TMED10: variants seen among roughly 807,000 people sequenced by gnomAD.
The protein encoded by TMED10 is transmembrane p24 trafficking protein 10.
Under a neutral mutation model 23.1 loss-of-function variants are expected in TMED10, and 7 were observed. The observed-to-expected ratio is 0.30, with a 90% CI of 0.17 to 0.57. The LOEUF is 0.57. Among genes scored for constraint, TMED10 ranks in the 20% least tolerant of loss-of-function variants. TMED10 has a pLI of 0.91. For missense variants in TMED10, 162 were observed against 274.8 expected (o/e 0.59, Z 2.90); for synonymous variants, 113 against 106.9 (o/e 1.06, Z -0.35).
chr14:75,174,695 G>A lies in TMED10; in HGVS notation c.225+1660C>T, dbSNP rs143668777. Among the ~76,000 whole-genome samples, 27 of 152,248 alleles carry A rather than the reference G, an allele frequency of 1.8e-4. No homozygotes were observed. The East Asian group carries it at 5.2e-3, about 29-fold the overall frequency. On this transcript the variant is annotated intron_variant, in intron 1 of 4. Coordinates refer to ENST00000303575, the MANE Select transcript of TMED10 (RefSeq NM_006827.6). The stretch of plus-strand genomic sequence containing the variant: ...ATTACATGTATTACCACACTACTGG[G>A]TTCCACTACTTTAACATAAGTTATG...
chr14:75,135,530 G>T, intron 4 of TMED10: 2 of 510,010 alleles, frequency 3.9e-6, no homozygotes, highest in South Asian at 5.0e-5. Flanking sequence ...TTTGATGTGG[G>T]TATAGACTAA....
rs367964043 is a variant in TMED10, at chr14:75,150,407, A to G, written c.337+1625T>C. Among the ~76,000 whole-genome samples the G allele has an allele frequency of 4.9e-4, 74 of 152,312 alleles. 1 individual carries two copies. The highest frequency in any genetic ancestry group is 4.8e-3 in the South Asian group (23 of 4,820). On this transcript the variant is annotated intron_variant, in intron 2 of 4. Transcript: ENST00000303575. ...GCCCCACCTGGTCCAAATGATCAGGATATCTTCTTTCTTACAAGGTCTTCC... is the reference window on the plus strand; with the variant it reads ...GCCCCACCTGGTCCAAATGATCAGGGTATCTTCTTTCTTACAAGGTCTTCC...
Position 75,133,940 on chromosome 14 carries a change from C to A in TMED10, c.*945G>T. 3.6e-6 allele frequency: 1 copy of A among 278,830 alleles called. No individual in the cohort carries two copies. The highest frequency in any genetic ancestry group is 6.8e-6 in the Non-Finnish European group (1 of 146,408). 17.3% of individuals were successfully genotyped at this position (278,830 alleles called of 1,614,324 possible). ...AAAAGGAAGAAACTATTCATACATG[C>A]AACAACTTGGATGGATTTCAAGGGA... On this transcript the variant is annotated 3_prime_UTR_variant, in exon 5 of 5. Transcript: ENST00000303575.
rs1594862405 is a variant in TMED10, at chr14:75,134,673, G to C, written c.*212C>G. ...TAATAGACCTATTGTTGCAAAACCA[G>C]TCAAAATCCTACCAAATTAAAAAGA... On this transcript the variant is annotated 3_prime_UTR_variant, in exon 5 of 5. Transcript: ENST00000303575. 1.6e-5 allele frequency: 9 copies of C among 567,066 alleles called. No individual in the cohort carries two copies. The East Asian group carries it at 3.0e-4, about 19-fold the overall frequency. The allele number at this position is 567,066 out of a possible 1,614,324, so 35.1% of individuals were successfully genotyped here.
intron 1 of TMED10, among the ~76,000 whole-genome samples, chr14:75,155,044 C>T (rs936494944): frequency 2.0e-5 from 3 of 150,828 alleles, no homozygotes; most frequent in Non-Finnish European, 4.4e-5. Context: ...CTGCAACCTC[C>T]GCCTTCCGGA....
rs908568469 is a variant in TMED10, at chr14:75,154,759, G to T, written c.226-2616C>A. Among the ~76,000 whole-genome samples, 7 of 151,780 alleles carry T rather than the reference G, an allele frequency of 4.6e-5. No individual in the cohort carries two copies. In the East Asian group the frequency reaches 7.8e-4, roughly 17 times the overall value. On this transcript the variant is annotated intron_variant, in intron 1 of 4. Coordinates refer to ENST00000303575, the MANE Select transcript of TMED10 (RefSeq NM_006827.6). ...GCTTACTGCAACCTCTGCCTCCCGG[G>T]TTCAAGCGATTCTCCTGCCCCAGCC... is the stretch of plus-strand genomic sequence containing the variant.
intron 1 of TMED10, among the ~76,000 whole-genome samples, chr14:75,168,980 AG>A (rs1429014600): frequency 6.6e-6 from 1 of 152,196 alleles, no homozygotes; most frequent in African/African-American, 2.4e-5. Flanking sequence ...ACATTGATCC[AG>A]GTAAAGAGAA....
rs59328978 is a variant in TMED10 at position 75,153,777 on chromosome 14, C to CTT, written c.226-1636_226-1635dup. Among the ~76,000 whole-genome samples the CTT allele has an allele frequency of 3.2e-4, 42 of 131,782 alleles. 1 individual carries two copies. Among genetic ancestry groups the CTT allele is most frequent in the East Asian group, 4.8e-4 (2 of 4,124 alleles). The allele number at this position is 131,782 out of a possible 152,430, so 86.5% of individuals were successfully genotyped here. A position where few individuals can be genotyped will look rare whatever the true frequency, so the allele number is the denominator to read the frequency against. On this transcript the variant is annotated intron_variant, in intron 1 of 4. Transcript: ENST00000303575. Reference sequence around the variant, plus strand: ...GGTGAGACTTTCTATTTTTTTTTCCCTTTTTTTTTTTGAAATGGAGTCTCA... The same window carrying CTT: ...GGTGAGACTTTCTATTTTTTTTTCCCTTTTTTTTTTTTTGAAATGGAGTCTCA...
Position 75,147,185 on chromosome 14 carries a change from G to GTTTTTTTTTTGTTTTT in TMED10, c.411+478_411+479insAAAAACAAAAAAAAAA, listed in dbSNP as rs1491353231. Among the ~76,000 whole-genome samples the GTTTTTTTTTTGTTTTT allele has an allele frequency of 3.3e-4, 38 of 116,614 alleles. 2 individuals carry two copies. The highest frequency in any genetic ancestry group is 1.3e-3 in the African/African-American group (33 of 26,286). 76.5% of individuals were successfully genotyped at this position (116,614 alleles called of 152,430 possible). A position where few individuals can be genotyped will look rare whatever the true frequency, so the allele number is the denominator to read the frequency against. On this transcript the variant is annotated intron_variant, in intron 3 of 4. Transcript: ENST00000303575. ...ACAGCCAGAATTATTCTTCAAGGCT[G>GTTTTTTTTTTGTTTTT]TTTTTTTTTTTTTTTTTTTTTGAGA... is the stretch of plus-strand genomic sequence containing the variant.
intron 1 of TMED10, among the ~76,000 whole-genome samples, chr14:75,172,977 C>T (rs1896253463): frequency 6.6e-6 from 1 of 152,164 alleles, no homozygotes; most frequent in Non-Finnish European, 1.5e-5. Context: ...CAATGAGATC[C>T]ATGGCCCTCG....
intron 1 of TMED10, 112 bp from the exon 2 acceptor site, chr14:75,152,255 TA>T (rs2139843962): frequency 1.3e-6 from 1 of 783,816 alleles, no homozygotes; most frequent in South Asian, 1.8e-5. Context: ...TAGTTCTCAT[TA>T]TGATGACTAT....
intron 1 of TMED10, among the ~76,000 whole-genome samples, chr14:75,158,571 T>A (rs1473386467): frequency 2.6e-5 from 4 of 151,840 alleles, no homozygotes; most frequent in Non-Finnish European, 4.4e-5. Context: ...CAAGTGATCC[T>A]CCCACCTTGG....
At chr14:75,154,390 A>T (rs1895994622) in intron 1 of TMED10, among the ~76,000 whole-genome samples, 1 of 103,924 alleles carries the variant, frequency 9.6e-6, no homozygotes. Flanking sequence ...CAACACAGCG[A>T]GACTCTGTCT....
intron 3 of TMED10, among the ~76,000 whole-genome samples, chr14:75,143,303 T>C (rs1288193752): frequency 6.6e-6 from 1 of 152,158 alleles, no homozygotes; most frequent in Admixed American, 6.5e-5. Context: ...ACCTCCAAAA[T>C]ACCAGTAAAA....
intron 1 of TMED10, among the ~76,000 whole-genome samples, chr14:75,173,409 G>T (rs1000147606): frequency 8.6e-5 from 13 of 151,604 alleles, no homozygotes; most frequent in African/African-American, 2.7e-4. Flanking sequence ...AGAGGGGAGG[G>T]GAGGGGAAGG....
At chr14:75,173,616 T>C (rs1044160016) in intron 1 of TMED10, among the ~76,000 whole-genome samples, 4 of 152,220 alleles carry the variant, frequency 2.6e-5, no homozygotes, top group African/African-American at 9.6e-5. Context: ...TTTAGGACCC[T>C]TGTGGTTCCA....
intron 1 of TMED10, among the ~76,000 whole-genome samples, chr14:75,159,934 G>A (rs1027659979): frequency 6.6e-6 from 1 of 152,118 alleles, no homozygotes; most frequent in East Asian, 1.9e-4. Flanking sequence ...AAGGCAAAGG[G>A]CCCGCCACTG....
rs78824907 is a variant in TMED10 at position 75,162,884 on chromosome 14, T to C, written c.226-10741A>G. Among the ~76,000 whole-genome samples the C allele has an allele frequency of 1.2e-3, 179 of 152,064 alleles. No homozygotes were observed. The East Asian group carries it at 0.026, about 22-fold the overall frequency. On this transcript the variant is annotated intron_variant, in intron 1 of 4. Transcript: ENST00000303575. ...ACCTCACCTTATCATGAGAAAAACA[T>C]CTGACAAATGCCCAATAGAGGGCAA...
intron 2 of TMED10, among the ~76,000 whole-genome samples, chr14:75,149,965 C>T (rs1003185857): frequency 1.4e-4 from 22 of 152,092 alleles, no homozygotes; most frequent in African/African-American, 4.6e-4. Context: ...TAGCCAGGCG[C>T]AGTGGTGCGT....
Sources: allele counts gnomAD v4.1 joint callset (sites outside exome capture counted in the v4.1 genomes callset), GRCh38; gene constraint gnomAD v4.1.1; transcripts MANE v1.5; gene names NCBI Gene and HGNC (gene_info 2026-07-23, HGNC 2026-07-21).